The following RALGAPA1 variants were observed in gnomAD, a reference collection of about 807,000 sequenced individuals.
RALGAPA1 encodes the protein ral GTPase-activating protein subunit alpha-1.
A neutral mutation model predicts 269.6 loss-of-function variants in RALGAPA1; 52 were observed. That is an observed-to-expected ratio of 0.19 (90% CI 0.15 to 0.24). RALGAPA1 has a LOEUF of 0.24. Ranked by LOEUF, RALGAPA1 falls within the 10% of genes least tolerant of loss-of-function variation. The pLI is 1.00. For missense variants in RALGAPA1, 1,917 were observed against 3,013.9 expected, an observed-to-expected ratio of 0.64 and a Z score of 8.52; for synonymous variants, 817 against 1,008.3, an observed-to-expected ratio of 0.81 and a Z score of 3.60.
intron 1 of RALGAPA1, among the ~76,000 whole-genome samples, chr14:35,798,551 T>C (rs1395830328): frequency 1.3e-5 from 2 of 152,148 alleles, no homozygotes; most frequent in Admixed American, 1.3e-4. Flanking sequence ...CCTAAATACC[T>C]TGATTATCAA....
chr14:35,799,247 G>A (rs1292755546), intron 1 of RALGAPA1, among the ~76,000 whole-genome samples: 2 of 151,878 alleles, frequency 1.3e-5, no homozygotes, highest in African/African-American at 4.8e-5. Context: ...ACTTAAAGGT[G>A]TACACTCTGG....
intron 16 of RALGAPA1, among the ~76,000 whole-genome samples, chr14:35,718,383 T>C (rs918762131): frequency 3.3e-5 from 5 of 152,236 alleles, no homozygotes; most frequent in Non-Finnish European, 7.3e-5. Context: ...ACATAAAGTA[T>C]CTTTAGGATT....
chr14:35,787,594 C>T (rs1298886086), intron 1 of RALGAPA1, among the ~76,000 whole-genome samples: 2 of 152,066 alleles, frequency 1.3e-5, no homozygotes, highest in African/African-American at 2.4e-5. Flanking sequence ...TGTTTTCTAA[C>T]ACATAGCTTA....
chr14:35,769,551 C>G (rs2074463836), intron 4 of RALGAPA1, among the ~76,000 whole-genome samples: 1 of 151,948 alleles, frequency 6.6e-6, no homozygotes, highest in Non-Finnish European at 1.5e-5. Flanking sequence ...ACACATGTAA[C>G]AAACCTGCAT....
rs531304252 is a variant in RALGAPA1 at position 35,738,109 on chromosome 14, C to T, written c.1587+404G>A. The stretch of plus-strand genomic sequence containing the variant: ...CATCTCAAAAAAAAAAAAAAGTTCA[C>T]TGTAGTACTATTTGGAATAGTGAAA... On this transcript the variant is annotated intron_variant, in intron 12 of 41. Coordinates refer to ENST00000680220, the MANE Select transcript of RALGAPA1 (RefSeq NM_001346249.2). Among the ~76,000 whole-genome samples the T allele has an allele frequency of 2.7e-5, 4 of 150,788 alleles. No homozygotes were observed. The East Asian group carries it at 7.7e-4, about 29-fold the overall frequency.
At chr14:35,580,439 T>A (rs981586175) in intron 37 of RALGAPA1, among the ~76,000 whole-genome samples, 2 of 152,220 alleles carry the variant, frequency 1.3e-5, no homozygotes, top group South Asian at 2.1e-4. Flanking sequence ...CAGGAAGAGA[T>A]AATTTATAGA....
intron 17 of RALGAPA1, among the ~76,000 whole-genome samples, chr14:35,696,701 T>C (rs1195802662): frequency 6.6e-6 from 1 of 151,950 alleles, no homozygotes; most frequent in Non-Finnish European, 1.5e-5. Context: ...CTTCTAACCA[T>C]AAACTAGAGG....
chr14:35,683,035 C>T (rs2065592904), intron 21 of RALGAPA1, among the ~76,000 whole-genome samples: 1 of 152,148 alleles, frequency 6.6e-6, no homozygotes, highest in South Asian at 2.1e-4. Context: ...TTGCAAGTTC[C>T]AGCCAACCAC....
intron 7 of RALGAPA1, among the ~76,000 whole-genome samples, chr14:35,753,318 A>G (rs1199474621): frequency 6.6e-6 from 1 of 152,206 alleles, no homozygotes; most frequent in Non-Finnish European, 1.5e-5. Context: ...CTTGAGATAA[A>G]TAAGTAAGTA....
chr14:35,711,331 A>G (rs1226312766), intron 16 of RALGAPA1, among the ~76,000 whole-genome samples: 1 of 152,122 alleles, frequency 6.6e-6, no homozygotes, highest in Non-Finnish European at 1.5e-5. Context: ...TCTGGTTCTG[A>G]GTATTTTACA....
chr14:35,709,408 T>C (rs1035458437), intron 16 of RALGAPA1, among the ~76,000 whole-genome samples: 4 of 152,078 alleles, frequency 2.6e-5, no homozygotes, highest in African/African-American at 9.7e-5. Context: ...TCACTGGTAA[T>C]GGTTCTTCTT....
chr14:35,691,701 C>T (rs1279885556), intron 17 of RALGAPA1, among the ~76,000 whole-genome samples: 1 of 152,238 alleles, frequency 6.6e-6, no homozygotes, highest in Non-Finnish European at 1.5e-5. Context: ...TTCATATCAC[C>T]CTATTTGTAT....
intron 17 of RALGAPA1, among the ~76,000 whole-genome samples, chr14:35,698,266 A>C (rs2067052154): frequency 6.6e-6 from 1 of 152,214 alleles, no homozygotes; most frequent in African/African-American, 2.4e-5. Context: ...TGAATTATGT[A>C]TTTACAGCAA....
chr14:35,729,132 C>T (rs1414172573), intron 12 of RALGAPA1, among the ~76,000 whole-genome samples: 6 of 151,970 alleles, frequency 3.9e-5, no homozygotes, highest in Admixed American at 2.0e-4. Context: ...TAAAAGATGA[C>T]ACCTAAATCA....
chr14:35,607,700 A>C (rs1437298788), intron 35 of RALGAPA1, among the ~76,000 whole-genome samples: 1 of 152,208 alleles, frequency 6.6e-6, no homozygotes, highest in Non-Finnish European at 1.5e-5. Context: ...GGTTATAAGG[A>C]CAAAGAACTC....
chr14:35,603,584 T>C (rs920251138), intron 36 of RALGAPA1, among the ~76,000 whole-genome samples: 1 of 152,068 alleles, frequency 6.6e-6, no homozygotes, highest in African/African-American at 2.4e-5. Context: ...AGCCAAGATA[T>C]GGAAATAACG....
chr14:35,594,233 A>G (rs994833939), intron 37 of RALGAPA1, among the ~76,000 whole-genome samples: 1 of 152,148 alleles, frequency 6.6e-6, no homozygotes, highest in Non-Finnish European at 1.5e-5. Context: ...TGGACATCAC[A>G]CCAAAAGCTC....
intron 1 of RALGAPA1, among the ~76,000 whole-genome samples, chr14:35,790,258 TAAAC>T (rs2076061728): frequency 6.8e-6 from 1 of 147,252 alleles, no homozygotes; most frequent in Non-Finnish European, 1.5e-5. Context: ...TCTCAAAAAA[TAAAC>T]AAAAAACAAA....
At position 35,768,019 on chromosome 14, in the gene RALGAPA1, C is replaced by G. The variant is rs2074295183; in HGVS notation, c.325+2923G>C. 2.0e-5 allele frequency among the ~76,000 whole-genome samples: 3 copies of G among 152,204 alleles called. No individual in the cohort carries two copies. The South Asian group carries it at 6.2e-4, about 32-fold the overall frequency. On this transcript the variant is annotated intron_variant, in intron 4 of 41. Coordinates refer to ENST00000680220, the MANE Select transcript of RALGAPA1 (RefSeq NM_001346249.2). ...CGAACTCCCATGCTCAAGCGATCCACCTGCCTCAGGCTCTCAAAGTGCTGG... is the reference window on the plus strand; with the variant it reads ...CGAACTCCCATGCTCAAGCGATCCAGCTGCCTCAGGCTCTCAAAGTGCTGG...
Sources: allele counts gnomAD v4.1 joint callset (sites outside exome capture counted in the v4.1 genomes callset), GRCh38; gene constraint gnomAD v4.1.1; transcripts MANE v1.5; gene names NCBI Gene and HGNC (gene_info 2026-07-23, HGNC 2026-07-21).